Variants in ZNF366 observed in about 807,000 individuals in gnomAD.
ZNF366 encodes dendritic cell-specific transcript protein.
ZNF366 carries 20 observed loss-of-function variants against 47.2 expected under a neutral mutation model. The observed-to-expected ratio is 0.42, with a 90% confidence interval of 0.30 to 0.62. The LOEUF (loss-of-function observed/expected upper bound fraction) is 0.62, where lower values mean the gene tolerates loss of function less well. Ranked by LOEUF, ZNF366 falls within the 20% of genes least tolerant of loss-of-function variation. The pLI is 0.16. For missense variants in ZNF366, 987 were observed against 976.3 expected, an observed-to-expected ratio of 1.01 and a Z score of -0.15; for synonymous variants, 421 against 395.1, an observed-to-expected ratio of 1.07 and a Z score of -0.78.
intron 1 of ZNF366, among the ~76,000 whole-genome samples, chr5:72,488,552 G>T (rs1475442009): frequency 6.6e-6 from 1 of 152,202 alleles, no homozygotes; most frequent in Non-Finnish European, 1.5e-5. Flanking sequence ...AATCTAGCAT[G>T]TGTTCAAAGA....
intron 4 of ZNF366, among the ~76,000 whole-genome samples, chr5:72,445,362 G>GA (rs947089233): frequency 9.3e-5 from 4 of 43,196 alleles, no homozygotes; most frequent in African/African-American, 2.9e-4. Flanking sequence ...AGGCTTCTGG[G>GA]AGGGGGTGAA....
chr5:72,456,291 T>A, intron 3 of ZNF366, 113 bp downstream of exon 3: 1 of 1,218,832 alleles, frequency 8.2e-7, no homozygotes, highest in Non-Finnish European at 1.1e-6. Flanking sequence ...GCCACGGACC[T>A]ACTCTGAGCC....
chr5:72,479,610 C>T (rs572595010), intron 1 of ZNF366, among the ~76,000 whole-genome samples: 2 of 152,134 alleles, frequency 1.3e-5, no homozygotes, highest in African/African-American at 4.8e-5. Flanking sequence ...CAACAGCCAC[C>T]AAAATGCAAT....
chr5:72,451,291 T>C (rs1743065558), intron 3 of ZNF366, among the ~76,000 whole-genome samples: 1 of 152,224 alleles, frequency 6.6e-6, no homozygotes, highest in African/African-American at 2.4e-5. Context: ...AATCTCAGCT[T>C]CTCCATCCAC....
At position 72,460,973 on chromosome 5, in the gene ZNF366, GGGTAGGGCGTGGGCA is replaced by G; in HGVS notation, c.509_523del (p.Leu170_Tyr174del). ...GCCCGGGTGGACTTTGGGGTAGTAG[GGGTAGGGCGTGGGCA>G]GGAATGGAGTGGGCGTTGGCTGGGG... On this transcript the variant is annotated inframe_deletion, in exon 2 of 5. Coordinates refer to ENST00000318442, the MANE Select transcript of ZNF366 (RefSeq NM_152625.3). 2 of 1,613,742 alleles carry G rather than the reference GGGTAGGGCGTGGGCA, an allele frequency of 1.2e-6. No individual in the cohort carries two copies. Among genetic ancestry groups the G allele is most frequent in the Non-Finnish European group, 1.7e-6 (2 of 1,179,816 alleles).
At chr5:72,485,621 C>T (rs143742170) in intron 1 of ZNF366, among the ~76,000 whole-genome samples, 1 of 152,194 alleles carries the variant, frequency 6.6e-6, no homozygotes, top group African/African-American at 2.4e-5. Context: ...CCCTTGGGCT[C>T]CTGTCTGCTC....
chr5:72,491,601 T>G (rs1033357067), intron 1 of ZNF366, among the ~76,000 whole-genome samples: 1 of 152,174 alleles, frequency 6.6e-6, no homozygotes, highest in Non-Finnish European at 1.5e-5. Context: ...CCAACTTGCC[T>G]GGTTATTATA....
chr5:72,498,637 C>T (rs903406176), intron 1 of ZNF366, among the ~76,000 whole-genome samples: 1 of 152,186 alleles, frequency 6.6e-6, no homozygotes, highest in African/African-American at 2.4e-5. Flanking sequence ...ATAATTAGGA[C>T]AGTAAATCTG....
intron 3 of ZNF366, among the ~76,000 whole-genome samples, chr5:72,448,181 A>G (rs1327357431): frequency 2.6e-5 from 4 of 152,260 alleles, no homozygotes; most frequent in East Asian, 3.8e-4. Context: ...AGATAAAAAA[A>G]TGAAAAATCA....
rs1743314874 is a variant in ZNF366 at position 72,461,586 on chromosome 5, A to G, written c.-14-76T>C. On this transcript the variant is annotated intron_variant, in intron 1 of 4. Coordinates refer to ENST00000318442, the MANE Select transcript of ZNF366 (RefSeq NM_152625.3). ...CTCTTTTTCCTTAAGGATTATGGCT[A>G]TTTATCAGTACTAATTTATGAAGAG... The G allele has an allele frequency of 2.0e-6, 3 of 1,490,504 alleles. No individual in the cohort carries two copies. The African/African-American group carries it at 4.2e-5, about 21-fold the overall frequency. 92.3% of individuals were successfully genotyped at this position (1,490,504 alleles called of 1,614,324 possible). A position where few individuals can be genotyped will look rare whatever the true frequency, so the allele number is the denominator to read the frequency against.
At chr5:72,445,015 A>G (rs1181921227) in intron 4 of ZNF366, among the ~76,000 whole-genome samples, 1 of 152,214 alleles carries the variant, frequency 6.6e-6, no homozygotes, top group Admixed American at 6.5e-5. Context: ...AAGAGAACCT[A>G]TTTGGGGCAG....
At chr5:72,462,043 T>C (rs963366143) in intron 1 of ZNF366, among the ~76,000 whole-genome samples, 22 of 152,238 alleles carry the variant, frequency 1.4e-4, no homozygotes, top group African/African-American at 5.3e-4. Flanking sequence ...TTTTCACTGC[T>C]ACTCCCTTGC....
chr5:72,461,195 G>A lies in ZNF366; in HGVS notation c.302C>T (p.Ser101Leu), dbSNP rs1481104240. 2 of 1,614,048 alleles carry A rather than the reference G, an allele frequency of 1.2e-6. No individual in the cohort carries two copies. Among genetic ancestry groups the A allele is most frequent in the African/African-American group, 2.7e-5 (2 of 74,912 alleles). Residue 101 changes from serine to leucine, a missense_variant, in exon 2 of 5, where the codon TCA becomes TTA. By Grantham distance (145) the Ser-to-Leu change is moderately radical. This residue lies in a region of ZNF366 where 591 missense variants were observed against 560.9 expected (regional missense o/e 1.05). Coordinates refer to ENST00000318442, the MANE Select transcript of ZNF366 (RefSeq NM_152625.3). Reference protein sequence around the residue: ...PAEEVTLALHSEENKNHGLPN... With the variant: ...PAEEVTLALHLEENKNHGLPN... Reference sequence around the variant, plus strand: ...AAGGCCGTGGTTTTTGTTCTCCTCTGAGTGGAGGGCGAGGGTGACTTCTTC... The same window carrying A: ...AAGGCCGTGGTTTTTGTTCTCCTCTAAGTGGAGGGCGAGGGTGACTTCTTC...
chr5:72,481,461 A>G (rs1307046965), intron 1 of ZNF366, among the ~76,000 whole-genome samples: 1 of 152,150 alleles, frequency 6.6e-6, no homozygotes, highest in Non-Finnish European at 1.5e-5. Flanking sequence ...TCTATGCACT[A>G]GACAAATAGC....
chr5:72,468,991 A>G (rs985271313), intron 1 of ZNF366, among the ~76,000 whole-genome samples: 1 of 152,232 alleles, frequency 6.6e-6, no homozygotes, highest in Non-Finnish European at 1.5e-5. Context: ...TATATCAAAT[A>G]AATTTGATAA....
intron 1 of ZNF366, among the ~76,000 whole-genome samples, chr5:72,470,124 A>G (rs1328918459): frequency 1.3e-5 from 2 of 152,136 alleles, no homozygotes; most frequent in East Asian, 3.8e-4. Flanking sequence ...ATATACTTCT[A>G]CCTCTTGTAA....
At chr5:72,446,834 G>C (rs1206345327) in intron 4 of ZNF366, among the ~76,000 whole-genome samples, 2 of 152,176 alleles carry the variant, frequency 1.3e-5, no homozygotes, top group Admixed American at 1.3e-4. Flanking sequence ...AGTCAGAAAG[G>C]CCTAGGTTCA....
At position 72,443,797 on chromosome 5, in the gene ZNF366, C is replaced by A; in HGVS notation, c.2194G>T (p.Glu732Ter). 1 of 1,614,084 alleles carries A rather than the reference C, an allele frequency of 6.2e-7. No homozygotes were observed. The highest frequency in any genetic ancestry group is 8.5e-7 in the Non-Finnish European group (1 of 1,180,006). Reference sequence around the variant, plus strand: ...ACTGCTTGTTTTTCCATTTTCCTCTCCAGTAATTCTTTCAAACTCTCATCT... The same window carrying A: ...ACTGCTTGTTTTTCCATTTTCCTCTACAGTAATTCTTTCAAACTCTCATCT... ...HRDESLKELL[E>*]RKMEKQAVLL... Residue 732 changes from glutamate to a stop codon, truncating the protein, a stop_gained, in exon 5 of 5, where the codon GAG (glutamate) becomes TAG (stop). Coordinates refer to ENST00000318442, the MANE Select transcript of ZNF366 (RefSeq NM_152625.3). LOFTEE classifies it high-confidence loss of function.
Position 72,461,363 on chromosome 5 carries a change from G to A in ZNF366, c.134C>T (p.Pro45Leu), listed in dbSNP as rs748677968. 15 of 1,613,892 alleles carry A rather than the reference G, an allele frequency of 9.3e-6. No homozygotes were observed. Among genetic ancestry groups the A allele is most frequent in the Non-Finnish European group, 1.0e-5 (12 of 1,179,976 alleles). ...GGAAAATGGCCCTCGGAGAGCTTCC[G>A]GGAAGGGGTGTCTTTGGGGAGCCTT... is the stretch of plus-strand genomic sequence containing the variant. ...RGKAPQRHPF[P>L]EALRGPFSQF... The change falls in exon 2 of 5, where the codon CCG (proline) becomes CTG (leucine). Residue 45 changes from proline to leucine, a missense_variant. Pro to Leu is a moderately conservative substitution (Grantham distance 98). Around this residue, in one of 3 missense-constraint regions of ZNF366, gnomAD observed 591 missense variants for 560.9 expected, o/e 1.05. Transcript: ENST00000318442.
Sources: gnomAD v4.1 joint callset for allele counts (sites outside exome capture counted in the v4.1 genomes callset) on GRCh38, gnomAD v4.1.1 for gene constraint, gnomAD v4.1.1 regional missense constraint, MANE v1.5 for transcripts, NCBI Gene and HGNC (gene_info 2026-07-23, HGNC 2026-07-21) for gene names.